Variants in CUL4B observed in about 807,000 individuals in gnomAD.
CUL4B encodes the protein cullin-4B.
A neutral mutation model predicts 69.2 loss-of-function variants in CUL4B; 1 was observed. That is an observed-to-expected ratio of 0.01 (90% confidence interval 0.01 to 0.07). CUL4B has a LOEUF of 0.07. CUL4B is among the 10% of genes least tolerant of loss of function. The pLI is 1.00. For synonymous variants in CUL4B, 237 were observed against 223.2 expected, an observed-to-expected ratio of 1.06 and a Z score of -0.55; for missense variants, 328 against 638.8, an observed-to-expected ratio of 0.51 and a Z score of 5.24.
intron 17 of CUL4B, among the ~76,000 whole-genome samples, chrX:120,534,020 C>T (rs972741808): frequency 2.3e-4 from 25 of 109,684 alleles, no homozygotes; most frequent in African/African-American, 8.0e-4. Context: ...GAGCCGAGAT[C>T]GCGCCACTGC....
intron 4 of CUL4B, among the ~76,000 whole-genome samples, chrX:120,546,248 C>T (rs1204823551): frequency 1.8e-5 from 2 of 109,724 alleles, no homozygotes; most frequent in South Asian, 3.9e-4. Context: ...GGGAGGGGGG[C>T]GAGGGATAAA....
downstream of CUL4B, among the ~76,000 whole-genome samples, chrX:120,569,261 A>T (rs1218198554): frequency 8.9e-6 from 1 of 111,964 alleles, no homozygotes; most frequent in African/African-American, 3.2e-5. Flanking sequence ...CCCTTAGTAT[A>T]CAAAGACAAC....
intron 2 of CUL4B, among the ~76,000 whole-genome samples, chrX:120,553,929 T>C (rs1241696836): frequency 2.7e-5 from 3 of 111,410 alleles, no homozygotes; most frequent in Non-Finnish European, 3.8e-5. Context: ...TTTTTAAGCG[T>C]AGAGGGACAC....
intron 3 of CUL4B, 44 bp from the exon 4 acceptor site, chrX:120,546,660 C>A: frequency 1.1e-6 from 1 of 928,433 alleles, no homozygotes; most frequent in South Asian, 2.0e-5. Context: ...TGGTACAAGT[C>A]ATATGTGCCA....
At chrX:120,540,236 A>C (rs899208971) in intron 11 of CUL4B, 134 bp downstream of exon 11, 3 of 559,317 alleles carry the variant, frequency 5.4e-6, no homozygotes, top group Non-Finnish European at 9.0e-6. Flanking sequence ...CACTCTTCAA[A>C]CTTGATATAC....
At chrX:120,565,849 C>G (rs1348517824), upstream of CUL4B, among the ~76,000 whole-genome samples, 3 of 102,843 alleles carry the variant, frequency 2.9e-5, no homozygotes, top group Admixed American at 3.2e-4. Flanking sequence ...CCTCAGCCTC[C>G]CAAGTAGCTG....
At chrX:120,544,457 T>C (rs952108438) in intron 6 of CUL4B, 24 bp downstream of exon 6, 22 of 1,202,254 alleles carry the variant, frequency 1.8e-5, no homozygotes, top group Non-Finnish European at 2.3e-5. Context: ...CAGCTCTGTA[T>C]AGTAGGTGTA....
At chrX:120,534,649 C>G in intron 16 of CUL4B, 63 bp from the exon 17 acceptor site, 1 of 755,026 alleles carries the variant, frequency 1.3e-6, no homozygotes, top group Non-Finnish European at 2.1e-6. Context: ...AATTAATCAT[C>G]TCTTATAGGA....
upstream of CUL4B, chrX:120,561,115 G>A: frequency 1.9e-6 from 2 of 1,035,890 alleles, no homozygotes; most frequent in Non-Finnish European, 2.5e-6. Context: ...GCGGCGCCGA[G>A]GGAGGGGCGG....
At chrX:120,539,445 A>T in intron 11 of CUL4B, 73 bp from the exon 12 acceptor site, 1 of 561,474 alleles carries the variant, frequency 1.8e-6, no homozygotes, top group Non-Finnish European at 2.9e-6. Flanking sequence ...ATATACCCAA[A>T]GAGGAGTATG....
At chrX:120,559,383 G>A (rs777746297) in intron 1 of CUL4B, among the ~76,000 whole-genome samples, 5 of 112,060 alleles carry the variant, frequency 4.5e-5, no homozygotes, top group Non-Finnish European at 9.4e-5. Flanking sequence ...AACACGGTCT[G>A]AACAAATTTT....
rs747620876 is a variant in CUL4B, at chrX:120,532,461, A to C, written c.2400T>G (p.Leu800=). Residue 800 remains leucine (L), a synonymous_variant, in exon 18 of 20, where the codon CTT becomes CTG. Coordinates refer to ENST00000371322, the MANE Select transcript of CUL4B (RefSeq NM_001079872.2). ...FICNDDFKHK[L]FRIKINQIQM... ...GGATTTGATTGATCTTTATCCTGAA[A>C]AGTTTATGTTTGAAATCATCATTAC... 1.7e-6 allele frequency: 2 copies of C among 1,204,578 alleles called. No individual in the cohort carries two copies. Among genetic ancestry groups the C allele is most frequent in the Non-Finnish European group, 2.2e-6 (2 of 890,746 alleles).
chrX:120,541,499 C>CA (rs878901453), intron 10 of CUL4B, 103 bp downstream of exon 10: 53,719 of 406,161 alleles, frequency 0.13, 8 homozygotes, highest in Non-Finnish European at 0.15. Flanking sequence ...AACTCTGTCT[C>CA]AAAAAAAAAA....
upstream of CUL4B, among the ~76,000 whole-genome samples, chrX:120,565,687 A>C (rs867098785): frequency 1.0e-4 from 10 of 99,430 alleles, no homozygotes; most frequent in Admixed American, 3.4e-4. Flanking sequence ...AAAAAAAAAA[A>C]AAAAAAAACT....
At chrX:120,538,473 A>C in intron 13 of CUL4B, 187 bp downstream of exon 13, 3 of 430,786 alleles carry the variant, frequency 7.0e-6, no homozygotes, top group Non-Finnish European at 1.2e-5. Context: ...ACAATGCTTT[A>C]TCTTAAAAAA....
rs1922908974 is a variant in CUL4B at position 120,525,362 on chromosome X, A to T, written c.*1399T>A. On this transcript the variant is annotated 3_prime_UTR_variant, in exon 20 of 20. Transcript: ENST00000371322. Reference sequence around the variant, plus strand: ...CATTAAGTAGTTCTGATTTTTAACAAACATAAACAAAATTTTCTGCTTCTC... The same window carrying T: ...CATTAAGTAGTTCTGATTTTTAACATACATAAACAAAATTTTCTGCTTCTC... 9.0e-6 allele frequency: 1 copy of T among 111,714 alleles called. No homozygotes were observed. The highest frequency in any genetic ancestry group is 3.2e-5 in the African/African-American group (1 of 30,825). 9.2% of individuals were successfully genotyped at this position (111,714 alleles called of 1,213,427 possible).
chrX:120,566,061 A>G (rs1008926451), upstream of CUL4B, among the ~76,000 whole-genome samples: 5 of 107,881 alleles, frequency 4.6e-5, no homozygotes, highest in African/African-American at 1.7e-4. Flanking sequence ...ACTTTTCTGA[A>G]GGATCATCTT....
At chrX:120,574,242 C>T (rs763062130) in intron 2 of CUL4B, among the ~76,000 whole-genome samples, 4 of 108,622 alleles carry the variant, frequency 3.7e-5, no homozygotes, top group African/African-American at 1.3e-4. Flanking sequence ...GAGGGAGTCT[C>T]GATCTGTCAC....
chrX:120,544,024 G>A (rs910983593), intron 7 of CUL4B, 90 bp downstream of exon 7: 1 of 636,554 alleles, frequency 1.6e-6, no homozygotes, highest in Middle Eastern at 3.6e-4. Flanking sequence ...ACAATGTTGG[G>A]AAGATAAATG....
Sources: allele counts gnomAD v4.1 joint callset (sites outside exome capture counted in the v4.1 genomes callset), GRCh38; gene constraint gnomAD v4.1.1; transcripts MANE v1.5; gene names NCBI Gene and HGNC (gene_info 2026-07-23, HGNC 2026-07-21).